The following PCDHGA2 variants were observed in gnomAD, a reference collection of about 807,000 sequenced individuals.
PCDHGA2 encodes protocadherin gamma-A2.
A neutral mutation model predicts 59.2 loss-of-function variants in PCDHGA2; 40 were observed. The observed-to-expected ratio is 0.68, with a 90% confidence interval of 0.52 to 0.88. The LOEUF (loss-of-function observed/expected upper bound fraction) is 0.88. Among genes scored for constraint, PCDHGA2 ranks in the 40% least tolerant of loss-of-function variants. PCDHGA2 has a pLI of 0.00. For missense variants in PCDHGA2, 1,226 were observed against 1,204.0 expected (o/e 1.02, Z -0.27); for synonymous variants, 560 against 526.0 (o/e 1.06, Z -0.89).
rs183257097 is a variant in PCDHGA2 at position 141,389,274 on chromosome 5, C to G, written c.2424+47879C>G. 189 of 1,614,032 alleles carry G rather than the reference C, an allele frequency of 1.2e-4. 1 individual carries two copies. In the East Asian group the frequency reaches 4.2e-3, roughly 36 times the overall value. On this transcript the variant is annotated intron_variant, in intron 1 of 3. Coordinates refer to ENST00000394576, the MANE Select transcript of PCDHGA2 (RefSeq NM_018915.4). ...TATAGTCCACGTGGCCGAGAACAACCCGCCTGGAGCCTCTATTTCACAAGT... is the reference window on the plus strand; with the variant it reads ...TATAGTCCACGTGGCCGAGAACAACGCGCCTGGAGCCTCTATTTCACAAGT...
At chr5:141,348,047 T>A (rs149122674) in intron 1 of PCDHGA2, among the ~76,000 whole-genome samples, 277 of 152,316 alleles carry the variant, frequency 1.8e-3, no homozygotes, top group Middle Eastern at 0.014. Context: ...GGAATAGAAG[T>A]CCCTTCTTTT....
intron 1 of PCDHGA2, among the ~76,000 whole-genome samples, chr5:141,368,272 C>G (rs1227481804): frequency 1.3e-5 from 2 of 152,064 alleles, no homozygotes; most frequent in Non-Finnish European, 2.9e-5. Flanking sequence ...ATTAAAGAAC[C>G]TAAGACCACT....
At chr5:141,374,163 C>A (rs764323551) in intron 1 of PCDHGA2, 1 of 1,612,604 alleles carries the variant, frequency 6.2e-7, no homozygotes, top group East Asian at 2.2e-5. Flanking sequence ...TGGGGGGCCG[C>A]GGCAGCGCAG....
chr5:141,417,939 C>T, intron 1 of PCDHGA2: 1 of 1,612,862 alleles, frequency 6.2e-7, no homozygotes, highest in Non-Finnish European at 8.5e-7. Context: ...TTGTTCTACC[C>T]CACGCTGTGT....
intron 1 of PCDHGA2, chr5:141,422,668 G>A: frequency 6.2e-7 from 1 of 1,607,686 alleles, no homozygotes; most frequent in Non-Finnish European, 8.5e-7. Context: ...CCTCGACCCG[G>A]ACAGCAAACA....
chr5:141,428,331 G>A, intron 1 of PCDHGA2: 2 of 625,576 alleles, frequency 3.2e-6, no homozygotes, highest in East Asian at 2.9e-5. Context: ...TGATTTCTAT[G>A]CTCTTCTTCC....
At chr5:141,346,337 G>A (rs1476278864) in intron 1 of PCDHGA2, 3 of 1,614,116 alleles carry the variant, frequency 1.9e-6, no homozygotes, top group Non-Finnish European at 8.5e-7. Flanking sequence ...AGAGCCACCT[G>A]ATTTTCCCCC....
At chr5:141,446,604 G>C (rs1226194089) in intron 1 of PCDHGA2, among the ~76,000 whole-genome samples, 1 of 152,134 alleles carries the variant, frequency 6.6e-6, no homozygotes, top group Non-Finnish European at 1.5e-5. Flanking sequence ...AGCCTCCTGA[G>C]TAGCTGGGAC....
At chr5:141,341,667 T>A in intron 1 of PCDHGA2, 1 of 606,544 alleles carries the variant, frequency 1.6e-6, no homozygotes, top group Non-Finnish European at 2.8e-6. Context: ...GGGTGTCTGG[T>A]TTCTTATACT....
In PCDHGA2 at chr5:141,380,794, G is replaced by A. The variant is rs116753480; in HGVS notation, c.2424+39399G>A. ...AGACTTTTTTAAAACAGTAGAATAA[G>A]AAACAAATGTGAGATGAAACTATGA... On this transcript the variant is annotated intron_variant, in intron 1 of 3. Transcript: ENST00000394576. Among the ~76,000 whole-genome samples, 564 of 152,260 alleles carry A rather than the reference G, an allele frequency of 3.7e-3. 3 individuals are homozygous for A. The highest frequency in any genetic ancestry group is 0.013 in the African/African-American group (534 of 41,542).
rs557311426 is a variant in PCDHGA2, at chr5:141,384,226, G to T, written c.2424+42831G>T. 56 of 1,613,860 alleles carry T rather than the reference G, an allele frequency of 3.5e-5. No homozygotes were observed. In the East Asian group the frequency reaches 1.2e-3, roughly 34 times the overall value. ...GGAAACTCACATATTCATGCAGGTGGCAGACACCAACGATAACCCACCCAC... is the reference window on the plus strand; with the variant it reads ...GGAAACTCACATATTCATGCAGGTGTCAGACACCAACGATAACCCACCCAC... On this transcript the variant is annotated intron_variant, in intron 1 of 3. Coordinates refer to ENST00000394576, the MANE Select transcript of PCDHGA2 (RefSeq NM_018915.4).
At chr5:141,399,146 G>C (rs758823968) in intron 1 of PCDHGA2, 1 of 1,613,792 alleles carries the variant, frequency 6.2e-7, no homozygotes, top group South Asian at 1.1e-5. Context: ...AATGACAATA[G>C]CCCAGAAGTT....
At chr5:141,418,778 T>A (rs1256260275) in intron 1 of PCDHGA2, 1 of 1,613,626 alleles carries the variant, frequency 6.2e-7, no homozygotes, top group East Asian at 2.2e-5. Flanking sequence ...TCAGCAGCCT[T>A]TGGATTTTGA....
intron 1 of PCDHGA2, chr5:141,345,792 C>G (rs1561490861): frequency 1.9e-6 from 3 of 1,614,100 alleles, no homozygotes; most frequent in African/African-American, 2.7e-5. Flanking sequence ...GCCCGGCTAC[C>G]TGGTGACCAA....
rs1039645331 is a variant in PCDHGA2, at chr5:141,420,373, T to C, written c.2425-74434T>C. ...TTTAAGATTCTAGATAACTTCTTCA[T>C]AGAGTTCGCAAAATATAGGTCAAAT... is the stretch of plus-strand genomic sequence containing the variant. On this transcript the variant is annotated intron_variant, in intron 1 of 3. Coordinates refer to ENST00000394576, the MANE Select transcript of PCDHGA2 (RefSeq NM_018915.4). 21 of 1,337,592 alleles carry C rather than the reference T, an allele frequency of 1.6e-5. No homozygotes were observed. In the African/African-American group the frequency reaches 2.4e-4, roughly 15 times the overall value. The allele number at this position is 1,337,592 out of a possible 1,614,324, so 82.9% of individuals were successfully genotyped here. A position where few individuals can be genotyped will look rare whatever the true frequency, so the allele number is the denominator to read the frequency against.
chr5:141,451,523 A>G (rs1035983001), intron 1 of PCDHGA2, among the ~76,000 whole-genome samples: 1 of 152,200 alleles, frequency 6.6e-6, no homozygotes, highest in African/African-American at 2.4e-5. Flanking sequence ...AGAGCAAGTA[A>G]AGGAGAGTGC....
At chr5:141,427,963 T>C (rs1289642441) in intron 1 of PCDHGA2, 1 of 1,589,380 alleles carries the variant, frequency 6.3e-7, no homozygotes, top group East Asian at 2.2e-5. Flanking sequence ...GTGCCGCGGG[T>C]GCTGTACCCC....
At chr5:141,361,147 C>G in intron 1 of PCDHGA2, 1 of 1,613,956 alleles carries the variant, frequency 6.2e-7, no homozygotes, top group Non-Finnish European at 8.5e-7. Flanking sequence ...AGTTGAAATT[C>G]TTGATGACAA....
intron 1 of PCDHGA2, chr5:141,399,804 G>A (rs1191609127): frequency 2.5e-6 from 4 of 1,613,224 alleles, no homozygotes; most frequent in East Asian, 2.2e-5. Flanking sequence ...CGCGGGTGCT[G>A]TACCCCGCGC....
Sources: allele counts gnomAD v4.1 joint callset (sites outside exome capture counted in the v4.1 genomes callset), GRCh38; gene constraint gnomAD v4.1.1; transcripts MANE v1.5; gene names NCBI Gene and HGNC (gene_info 2026-07-23, HGNC 2026-07-21).